Variants in NAV1 observed in about 807,000 individuals in gnomAD.
NAV1 encodes pore membrane and/or filament interacting like protein 3.
NAV1 carries 18 observed loss-of-function variants against 175.2 expected under a neutral mutation model. The observed-to-expected ratio is 0.10, with a 90% CI of 0.07 to 0.15. The LOEUF (loss-of-function observed/expected upper bound fraction) is 0.15. Among genes scored for constraint, NAV1 ranks in the 10% least tolerant of loss-of-function variants. The pLI, the probability that NAV1 is intolerant of heterozygous loss-of-function variation, is 1.00. For synonymous variants in NAV1, 897 were observed against 978.7 expected (o/e 0.92, Z 1.56); for missense variants, 1,731 against 2,436.6 (o/e 0.71, Z 6.10).
At chr1:201,597,261 A>C (rs1351762669) in intron 2 of NAV1, among the ~76,000 whole-genome samples, 1 of 152,218 alleles carries the variant, frequency 6.6e-6, no homozygotes, top group African/African-American at 2.4e-5. Context: ...AAGGGGGTTG[A>C]GGAGAGGGAG....
chr1:201,672,928 G>A (rs951490069), intron 1 of NAV1, among the ~76,000 whole-genome samples: 4 of 152,152 alleles, frequency 2.6e-5, no homozygotes, highest in Admixed American at 1.3e-4. Flanking sequence ...CAGTGGGGAC[G>A]ACTGAAGCCC....
At position 201,718,802 on chromosome 1, in the gene NAV1, C is replaced by A; in HGVS notation, c.1226+47C>A. 2 of 1,561,186 alleles carry A rather than the reference C, an allele frequency of 1.3e-6. No homozygotes were observed. The highest frequency in any genetic ancestry group is 1.7e-6 in the Non-Finnish European group (2 of 1,149,768). ...ATGGCGGGGGAGGATGGTGGAAAGA[C>A]CACTGGGATGCGACGCCTTAAAAGT... On this transcript the variant is annotated intron_variant, in intron 3 of 29. Coordinates refer to ENST00000367296, the Ensembl canonical transcript of NAV1. The surrounding 1 kb of genome is among the most constrained non-coding windows in gnomAD (Gnocchi z 4.8).
chr1:201,695,245 C>T (rs1053355992), intron 1 of NAV1, among the ~76,000 whole-genome samples: 6 of 152,228 alleles, frequency 3.9e-5, no homozygotes, highest in African/African-American at 1.2e-4. Flanking sequence ...CTCCCCATGC[C>T]TGCTCCTCCA....
chr1:201,738,805 TA>T (rs1673226593), intron 3 of NAV1, among the ~76,000 whole-genome samples: 1 of 152,150 alleles, frequency 6.6e-6, no homozygotes, highest in South Asian at 2.1e-4. Flanking sequence ...TTCAGCACTT[TA>T]GGGGGCTTAA....
chr1:201,689,379 ATATTCTC>A, intron 1 of NAV1, among the ~76,000 whole-genome samples: 1 of 152,154 alleles, frequency 6.6e-6, no homozygotes, highest in Non-Finnish European at 1.5e-5. Context: ...GGGACAGGAT[ATATTCTC>A]TCTTAAATCA....
rs555117346 is a variant in NAV1, at chr1:201,661,093, C to T, written c.757+11668C>T. On this transcript the variant is annotated intron_variant, in intron 1 of 29. Coordinates refer to ENST00000367296, the Ensembl canonical transcript of NAV1. The stretch of plus-strand genomic sequence containing the variant: ...ACCCCAAAGGAATGTGGCAAGTTCA[C>T]GGTCAAGCTAAGCTTAAACAAGGCT... 8.5e-5 allele frequency among the ~76,000 whole-genome samples: 13 copies of T among 152,290 alleles called. 1 individual carries two copies. The highest frequency in any genetic ancestry group is 4.1e-4 in the South Asian group (2 of 4,828).
chr1:201,560,038 G>T (rs1024900700), intron 1 of NAV1, among the ~76,000 whole-genome samples: 1 of 152,156 alleles, frequency 6.6e-6, no homozygotes, highest in African/African-American at 2.4e-5. Flanking sequence ...AGGGTAGGGC[G>T]GCCGAGGAAG....
At chr1:201,623,432 C>T in exon 1 of NAV1, 1 of 985,962 alleles carries the variant, frequency 1.0e-6, no homozygotes, top group African/African-American at 1.7e-5. Context: ...TACAAAAGTT[C>T]TGGGACCCCC....
Position 201,807,818 on chromosome 1 carries a change from G to A in NAV1, c.3649-135G>A, listed in dbSNP as rs969417546. On this transcript the variant is annotated intron_variant, in intron 17 of 29. Transcript: ENST00000367296. This position sits in a 1 kb window ranked among gnomAD's most constrained non-coding sequence, Gnocchi z 5.4. ...GTCCGTATTCTATGAATCAAGTGAAGTGTTATAGAGGGTGGCTTAATTAAA... is the reference window on the plus strand; with the variant it reads ...GTCCGTATTCTATGAATCAAGTGAAATGTTATAGAGGGTGGCTTAATTAAA... 1.4e-5 allele frequency: 11 copies of A among 792,706 alleles called. No homozygotes were observed. In the Admixed American group the frequency reaches 2.5e-4, roughly 18 times the overall value. 49.1% of individuals were successfully genotyped at this position (792,706 alleles called of 1,614,324 possible).
chr1:201,543,822 C>T (rs977480203), intron 1 of NAV1, among the ~76,000 whole-genome samples: 7 of 152,214 alleles, frequency 4.6e-5, no homozygotes, highest in African/African-American at 1.7e-4. Context: ...AAGAGTAACT[C>T]TCCATTCCCC....
chr1:201,779,466 C>T (rs549483632), intron 3 of NAV1, among the ~76,000 whole-genome samples: 5 of 149,966 alleles, frequency 3.3e-5, no homozygotes, highest in Admixed American at 6.6e-5. Flanking sequence ...GGTGTCGTGG[C>T]GGGTGCCTGT....
chr1:201,766,886 G>T (rs889995406), intron 3 of NAV1, among the ~76,000 whole-genome samples: 1 of 152,056 alleles, frequency 6.6e-6, no homozygotes, highest in Non-Finnish European at 1.5e-5. Flanking sequence ...GCAGTGGCGC[G>T]ATCTCAGCTC....
chr1:201,732,430 T>G, intron 3 of NAV1, among the ~76,000 whole-genome samples: 1 of 152,124 alleles, frequency 6.6e-6, no homozygotes, highest in Non-Finnish European at 1.5e-5. Context: ...CCACCCACCT[T>G]GGCCTCCCAA....
intron 2 of NAV1, among the ~76,000 whole-genome samples, chr1:201,589,846 T>C (rs1476911640): frequency 6.6e-6 from 1 of 152,124 alleles, no homozygotes; most frequent in Non-Finnish European, 1.5e-5. Flanking sequence ...AGTTATGTTA[T>C]GTAGCTTGAT....
At chr1:201,800,058 G>A (rs193047624) in intron 15 of NAV1, among the ~76,000 whole-genome samples, 1 of 151,778 alleles carries the variant, frequency 6.6e-6, no homozygotes, top group Non-Finnish European at 1.5e-5. Flanking sequence ...GGAGCACAGT[G>A]GTGCTATCGC....
chr1:201,592,189 C>T (rs962403646), intron 2 of NAV1, among the ~76,000 whole-genome samples: 2 of 152,196 alleles, frequency 1.3e-5, no homozygotes, highest in African/African-American at 4.8e-5. Flanking sequence ...TTTTAAAAAG[C>T]TGCCTGTCTC....
chr1:201,818,055 A>AC (rs1679170157), intron 29 of NAV1, among the ~76,000 whole-genome samples: 1 of 152,062 alleles, frequency 6.6e-6, no homozygotes, highest in Admixed American at 6.5e-5. Flanking sequence ...ACATACTGAG[A>AC]CCCCATCTCT....
rs1259018178 is a variant in NAV1, at chr1:201,812,017, G to A, written c.5024+43G>A. 8.2e-6 allele frequency: 13 copies of A among 1,577,130 alleles called. No homozygotes were observed. The highest frequency in any genetic ancestry group is 1.3e-5 in the African/African-American group (1 of 74,104). On this transcript the variant is annotated intron_variant, in intron 26 of 29. Transcript: ENST00000367296. This position sits in a 1 kb window ranked among gnomAD's most constrained non-coding sequence, Gnocchi z 4.6. ...GGATGAACCTTCTGACCCTACCCAA[G>A]AGTCTTCAATCCTGGACTCTGGCCA...
At chr1:201,713,006 A>G in intron 2 of NAV1, 87 bp downstream of exon 6, 1 of 957,838 alleles carries the variant, frequency 1.0e-6, no homozygotes. Context: ...GGGTCCCTCC[A>G]CACCTCTGCC....
Sources: gnomAD v4.1 joint callset for allele counts (sites outside exome capture counted in the v4.1 genomes callset) on GRCh38, gnomAD v4.1.1 for gene constraint, Gnocchi (gnomAD v3.1) non-coding constraint, MANE v1.5 for transcripts, NCBI Gene and HGNC (gene_info 2026-07-23, HGNC 2026-07-21) for gene names.